The following ETNK2 variants were observed in gnomAD, a reference collection of about 807,000 sequenced individuals.
ETNK2 encodes the protein ethanolamine kinase 2.
In ETNK2, 33 loss-of-function variants were observed where a neutral mutation model predicts 46.2. The ratio of observed to expected loss-of-function variants is 0.71; its 90% CI spans 0.54 to 0.96. The LOEUF is 0.96. ETNK2 is among the 40% of genes least tolerant of loss of function. The pLI is 0.00. For missense variants in ETNK2, 445 were observed against 509.7 expected (o/e 0.87, Z 1.22); for synonymous variants, 194 against 209.0 (o/e 0.93, Z 0.62).
chr1:204,134,746 GGCCAAGTCACTGCACA>G, intron 6 of ETNK2, 158 bp from the exon 7 acceptor site: 3 of 1,546,586 alleles, frequency 1.9e-6, no homozygotes, highest in Non-Finnish European at 2.6e-6. Flanking sequence ...AAATTCTGGA[GGCCAAGTCACTGCACA>G]GCATTTGGCG....
In ETNK2 at chr1:204,151,889, G is replaced by T. The variant is rs1571640172; in HGVS notation, c.-37C>A. 21 of 1,410,852 alleles carry T rather than the reference G, an allele frequency of 1.5e-5. No homozygotes were observed. Among genetic ancestry groups the T allele is most frequent in the Non-Finnish European group, 1.8e-5 (20 of 1,089,074 alleles). The allele number at this position is 1,410,852 out of a possible 1,614,324, so 87.4% of individuals were successfully genotyped here. ...CCACCCCCTCGGAGCCGCGGCAGACGCTAGCCCCGGCGGGGGGGTCCGGCG... is the reference window on the plus strand; with the variant it reads ...CCACCCCCTCGGAGCCGCGGCAGACTCTAGCCCCGGCGGGGGGGTCCGGCG... On this transcript the variant is annotated 5_prime_UTR_variant, in exon 1 of 8. Coordinates refer to ENST00000367202, the MANE Select transcript of ETNK2 (RefSeq NM_018208.4). The surrounding 1 kb of genome is among the most constrained non-coding windows in gnomAD (Gnocchi z 8.0).
At chr1:204,133,962 AT>A (rs1485408447) in intron 7 of ETNK2, among the ~76,000 whole-genome samples, 1 of 152,246 alleles carries the variant, frequency 6.6e-6, no homozygotes, top group Non-Finnish European at 1.5e-5. Context: ...AGGAGAAATG[AT>A]TCCTGGCCTT....
intron 3 of ETNK2, 104 bp from the exon 4 acceptor site, chr1:204,141,561 G>T: frequency 7.7e-7 from 1 of 1,306,522 alleles, no homozygotes; most frequent in Non-Finnish European, 1.0e-6. Context: ...CTGTCTTACT[G>T]CAGGGGGCCT....
intron 4 of ETNK2, chr1:204,140,893 G>T (rs1657493031): frequency 3.1e-6 from 1 of 325,526 alleles, no homozygotes; most frequent in Admixed American, 4.2e-5. Flanking sequence ...CTCCATCATG[G>T]CTCACTGCAG....
At position 204,142,053 on chromosome 1, in the gene ETNK2, G is replaced by T. The variant is rs577367474; in HGVS notation, c.642-596C>A. On this transcript the variant is annotated intron_variant, in intron 3 of 7. Transcript: ENST00000367202. ...TATGCACCCCCCTCTCACCCCAGCA[G>T]CTGACCATGTCACAGGTAGAAGGGA... 50 of 154,802 alleles carry T rather than the reference G, an allele frequency of 3.2e-4. 2 individuals carry two copies. The South Asian group carries it at 0.01, about 32-fold the overall frequency. The allele number at this position is 154,802 out of a possible 1,614,324, so 9.6% of individuals were successfully genotyped here.
rs748681339 is a variant in ETNK2 at position 204,141,328 on chromosome 1, A to G, written c.771T>C (p.Tyr257=). 3.7e-6 allele frequency: 6 copies of G among 1,614,068 alleles called. No homozygotes were observed. The highest frequency in any genetic ancestry group is 5.1e-6 in the Non-Finnish European group (6 of 1,179,906). ...GAGAAGCCATACCTTTGATGCTGTC[A>G]TAGATGATATTCTTGCAGAGCAGGT... ...HNDLLCKNII[Y]DSIKGHVRFI... is the part of the protein sequence containing the mutation. Residue 257 remains tyrosine (Y), a synonymous_variant, in exon 4 of 8, where the codon TAT becomes TAC. Coordinates refer to ENST00000367202, the MANE Select transcript of ETNK2 (RefSeq NM_018208.4).
At chr1:204,150,858 G>T (rs548673941) in intron 1 of ETNK2, among the ~76,000 whole-genome samples, 1 of 152,296 alleles carries the variant, frequency 6.6e-6, no homozygotes, top group East Asian at 1.9e-4. Context: ...CAGAATGCCT[G>T]TCTGCATGGA....
At position 204,141,862 on chromosome 1, in the gene ETNK2, T is replaced by A. The variant is rs576236440; in HGVS notation, c.642-405A>T. 13 of 181,174 alleles carry A rather than the reference T, an allele frequency of 7.2e-5. No homozygotes were observed. The South Asian group carries it at 1.7e-3, about 24-fold the overall frequency. The allele number at this position is 181,174 out of a possible 1,614,324, so 11.2% of individuals were successfully genotyped here. On this transcript the variant is annotated intron_variant, in intron 3 of 7. Coordinates refer to ENST00000367202, the MANE Select transcript of ETNK2 (RefSeq NM_018208.4). ...GGGCAACAGGAGCAGTGGGGAGAGA[T>A]GCAAAACAGACCTGATCTTAGGATG...
intron 3 of ETNK2, among the ~76,000 whole-genome samples, chr1:204,146,415 G>A (rs1225909735): frequency 2.6e-5 from 4 of 152,170 alleles, no homozygotes; most frequent in Non-Finnish European, 4.4e-5. Flanking sequence ...AAGGAGAAAT[G>A]AGCACATGGG....
intron 3 of ETNK2, among the ~76,000 whole-genome samples, chr1:204,145,549 G>A (rs138634662): frequency 6.6e-6 from 1 of 152,362 alleles, no homozygotes; most frequent in East Asian, 1.9e-4. Context: ...TACAAGGTCT[G>A]AACATGGTCA....
At chr1:204,132,305 G>T in intron 7 of ETNK2, 49 bp from the exon 8 acceptor site, 1 of 1,457,314 alleles carries the variant, frequency 6.9e-7, no homozygotes, top group Non-Finnish European at 9.4e-7. Flanking sequence ...AAGCCAGGTG[G>T]GCCCTGCTGG....
rs1210276423 is a variant in ETNK2, at chr1:204,141,362, CA to C, written c.736del (p.Cys246ValfsTer46). 1 of 1,614,032 alleles carries C rather than the reference CA, an allele frequency of 6.2e-7. No homozygotes were observed. The highest frequency in any genetic ancestry group is 1.7e-5 in the Admixed American group (1 of 60,022). On this transcript the variant is annotated frameshift_variant, in exon 4 of 8. Transcript: ENST00000367202. LOFTEE classifies it high-confidence loss of function. ...ATTCTTGCAGAGCAGGTCATTGTGACAAAACACCACAGGGGACTCCAGCTGG... is the reference window on the plus strand; with the variant it reads ...ATTCTTGCAGAGCAGGTCATTGTGACAAACACCACAGGGGACTCCAGCTGG... ...LSQLESPVVF[C>X]HNDLLCKNII...
At chr1:204,146,981 C>T (rs1201703326) in intron 2 of ETNK2, 2 of 685,814 alleles carry the variant, frequency 2.9e-6, no homozygotes, top group Admixed American at 2.1e-5. Flanking sequence ...CCTGGCTGCT[C>T]CCTTTCCAGT....
Position 204,151,421 on chromosome 1 carries a change from C to G in ETNK2, c.258+174G>C. 2 of 966,082 alleles carry G rather than the reference C, an allele frequency of 2.1e-6. No individual in the cohort carries two copies. The highest frequency in any genetic ancestry group is 3.0e-6 in the Non-Finnish European group (2 of 669,288). The allele number at this position is 966,082 out of a possible 1,614,324, so 59.8% of individuals were successfully genotyped here. ...GTGCAGGGCCAAGGGAGGTGTGAGC[C>G]TAGTTTTGGTAGCGACGAAATCAAT... On this transcript the variant is annotated intron_variant, in intron 1 of 7. Transcript: ENST00000367202. The surrounding 1 kb of genome is among the most constrained non-coding windows in gnomAD (Gnocchi z 8.0).
chr1:204,144,344 T>TAAAA (rs1657686909), intron 3 of ETNK2, among the ~76,000 whole-genome samples: 1 of 10,126 alleles, frequency 9.9e-5, no homozygotes, highest in African/African-American at 4.2e-4. Context: ...AGAATCCATC[T>TAAAA]CAAAAAAAAA....
chr1:204,136,382 C>T (rs1190110426), intron 6 of ETNK2, among the ~76,000 whole-genome samples: 1 of 144,598 alleles, frequency 6.9e-6, no homozygotes, highest in Non-Finnish European at 1.5e-5. Flanking sequence ...GATGACAGAG[C>T]GGGACCCTGT....
intron 7 of ETNK2, among the ~76,000 whole-genome samples, chr1:204,134,021 C>A (rs983834645): frequency 6.6e-6 from 1 of 152,224 alleles, no homozygotes; most frequent in African/African-American, 2.4e-5. Flanking sequence ...ATCATCGATA[C>A]ACAAGCAGCG....
intron 3 of ETNK2, among the ~76,000 whole-genome samples, chr1:204,145,098 G>C (rs570317781): frequency 1.3e-5 from 2 of 152,180 alleles, no homozygotes; most frequent in Non-Finnish European, 2.9e-5. Context: ...TGCTTATCTC[G>C]TCTAAATGAT....
chr1:204,140,984 G>T, intron 4 of ETNK2: 1 of 380,250 alleles, frequency 2.6e-6, no homozygotes, highest in Non-Finnish European at 5.1e-6. Context: ...ACCATACCAG[G>T]AAAAGTTTTG....
Sources: allele counts gnomAD v4.1 joint callset (sites outside exome capture counted in the v4.1 genomes callset), GRCh38; gene constraint gnomAD v4.1.1; non-coding constraint Gnocchi (gnomAD v3.1); transcripts MANE v1.5; gene names NCBI Gene and HGNC (gene_info 2026-07-23, HGNC 2026-07-21).